CUX1: variants seen among roughly 807,000 people sequenced by gnomAD.
The protein encoded by CUX1 is cut like homeobox 1.
CUX1 carries 31 observed loss-of-function variants against 158.8 expected under a neutral mutation model. That is an observed-to-expected ratio of 0.20 (90% CI 0.15 to 0.26). The LOEUF (loss-of-function observed/expected upper bound fraction) is 0.26, where lower values mean the gene tolerates loss of function less well. CUX1 is among the 10% of genes least tolerant of loss of function. The pLI is 1.00. For missense variants in CUX1, 1,589 were observed against 2,014.6 expected, an observed-to-expected ratio of 0.79 and a Z score of 4.04; for synonymous variants, 879 against 862.1, an observed-to-expected ratio of 1.02 and a Z score of -0.34.
At chr7:101,856,963 C>T (rs912520886) in intron 1 of CUX1, among the ~76,000 whole-genome samples, 2 of 152,236 alleles carry the variant, frequency 1.3e-5, no homozygotes, top group African/African-American at 4.8e-5. Flanking sequence ...TCAAGCTGTG[C>T]CTCCTCCTGG....
intron 8 of CUX1, among the ~76,000 whole-genome samples, chr7:102,157,338 C>A (rs1789885528): frequency 6.6e-6 from 1 of 150,916 alleles, no homozygotes; most frequent in Non-Finnish European, 1.5e-5. Flanking sequence ...AAAAAAAAAA[C>A]CTTCCTTGGG....
intron 2 of CUX1, among the ~76,000 whole-genome samples, chr7:101,945,784 C>T (rs1313803658): frequency 2.6e-5 from 4 of 152,158 alleles, no homozygotes; most frequent in Non-Finnish European, 5.9e-5. Flanking sequence ...GTCTGCTGTC[C>T]CAAACCTCCT....
At chr7:101,832,996 GGGAAAGTAACTTCGGGGCT>G in intron 1 of CUX1, among the ~76,000 whole-genome samples, 1 of 152,250 alleles carries the variant, frequency 6.6e-6, no homozygotes, top group East Asian at 1.9e-4. Context: ...AAGTCTTGCT[GGGAAAGTAACTTCGGGGCT>G]GGTTCCCTGA....
chr7:102,042,659 A>G (rs776184422), intron 3 of CUX1, among the ~76,000 whole-genome samples: 10 of 152,104 alleles, frequency 6.6e-5, no homozygotes, highest in Non-Finnish European at 8.8e-5. Flanking sequence ...CGAAAAGTCT[A>G]TCTCCTTTGA....
intron 20 of CUX1, among the ~76,000 whole-genome samples, chr7:102,281,385 G>A (rs1374668702): frequency 6.6e-6 from 1 of 151,570 alleles, no homozygotes; most frequent in African/African-American, 2.4e-5. Context: ...TCCGGTGGCC[G>A]GGCACAGCAG....
chr7:102,067,555 AT>A (rs1042621021), intron 3 of CUX1, among the ~76,000 whole-genome samples: 10 of 148,548 alleles, frequency 6.7e-5, no homozygotes, highest in Non-Finnish European at 1.2e-4. Flanking sequence ...TTTTTTTTTT[AT>A]ATAATTAGGA....
At chr7:101,842,009 T>C (rs933396827) in intron 1 of CUX1, among the ~76,000 whole-genome samples, 2 of 152,252 alleles carry the variant, frequency 1.3e-5, no homozygotes, top group African/African-American at 2.4e-5. Flanking sequence ...TAATTTTCTA[T>C]TCATTTTGTA....
chr7:102,219,569 C>T (rs1554526150), intron 20 of CUX1, among the ~76,000 whole-genome samples: 4 of 152,220 alleles, frequency 2.6e-5, no homozygotes, highest in African/African-American at 9.7e-5. Flanking sequence ...CGTCGGCCCC[C>T]CGCTGGCGTC....
At chr7:102,262,394 T>TGATGGATGGATG (rs1790460780), downstream of CUX1, among the ~76,000 whole-genome samples, 1 of 4,844 alleles carries the variant, frequency 2.1e-4, no homozygotes, top group East Asian at 8.8e-3. Flanking sequence ...CAAGACTCCA[T>TGATGGATGGATG]CATGGATGGA....
chr7:102,207,506 A>G (rs1796074922), intron 20 of CUX1, among the ~76,000 whole-genome samples: 1 of 151,832 alleles, frequency 6.6e-6, no homozygotes, highest in African/African-American at 2.4e-5. Flanking sequence ...GCTGGAGTGC[A>G]GTGGCACAAT....
intron 1 of CUX1, among the ~76,000 whole-genome samples, chr7:101,881,571 C>T (rs1042151589): frequency 1.3e-5 from 2 of 152,156 alleles, no homozygotes; most frequent in African/African-American, 4.8e-5. Context: ...AATCTGTTCC[C>T]GTCCAATATG....
intron 8 of CUX1, among the ~76,000 whole-genome samples, chr7:102,119,169 G>A (rs782093121): frequency 2.0e-5 from 3 of 152,208 alleles, no homozygotes; most frequent in Non-Finnish European, 4.4e-5. Context: ...AGAGCAGGGC[G>A]TGGTATGCGT....
At chr7:102,219,055 A>ACACACACACACACAC (rs1797534201) in intron 20 of CUX1, among the ~76,000 whole-genome samples, 6 of 126,248 alleles carry the variant, frequency 4.8e-5, no homozygotes, top group Non-Finnish European at 6.5e-5. Context: ...CCTGCCTCAA[A>ACACACACACACACAC]ACACACACAC....
intron 3 of CUX1, among the ~76,000 whole-genome samples, chr7:102,038,108 T>A (rs1426963877): frequency 3.3e-5 from 5 of 151,852 alleles, no homozygotes; most frequent in Non-Finnish European, 1.5e-5. Flanking sequence ...GGTATGTTCA[T>A]GTGAACTAGA....
At chr7:102,030,464 G>A (rs1050495541) in intron 3 of CUX1, among the ~76,000 whole-genome samples, 12 of 146,840 alleles carry the variant, frequency 8.2e-5, no homozygotes, top group African/African-American at 2.2e-4. Flanking sequence ...GAAGGCTCCC[G>A]AAGTTAAGGA....
intron 2 of CUX1, among the ~76,000 whole-genome samples, chr7:101,918,861 C>T (rs927507749): frequency 1.3e-5 from 2 of 152,226 alleles, no homozygotes; most frequent in Non-Finnish European, 2.9e-5. Flanking sequence ...CGGCTCACTG[C>T]AACCTCCGCC....
chr7:102,088,591 G>A (rs1828190796), intron 4 of CUX1, among the ~76,000 whole-genome samples: 1 of 152,176 alleles, frequency 6.6e-6, no homozygotes, highest in African/African-American at 2.4e-5. Context: ...CTGAGATCGT[G>A]CCGCTGCACT....
intron 20 of CUX1, among the ~76,000 whole-genome samples, chr7:102,206,617 C>G (rs529046875): frequency 1.3e-5 from 2 of 152,254 alleles, no homozygotes; most frequent in Admixed American, 6.5e-5. Context: ...CCTTGTTAGA[C>G]CAGGTGCGGT....
At chr7:101,993,245 G>A (rs1468811171) in intron 2 of CUX1, among the ~76,000 whole-genome samples, 3 of 152,142 alleles carry the variant, frequency 2.0e-5, no homozygotes, top group African/African-American at 4.8e-5. Flanking sequence ...CAGGAGAATC[G>A]CTTGAACCCG....
Sources: allele counts gnomAD v4.1 joint callset (sites outside exome capture counted in the v4.1 genomes callset), GRCh38; gene constraint gnomAD v4.1.1; transcripts MANE v1.5; gene names NCBI Gene and HGNC (gene_info 2026-07-23, HGNC 2026-07-21).